NR3C2: variants seen among roughly 807,000 people sequenced by gnomAD.
NR3C2 encodes the protein mineralocorticoid receptor.
NR3C2 carries 15 observed loss-of-function variants against 86.4 expected under a neutral mutation model. The ratio of observed to expected loss-of-function variants is 0.17; its 90% CI spans 0.12 to 0.27. The LOEUF (loss-of-function observed/expected upper bound fraction) is 0.27. NR3C2 is among the 10% of genes least tolerant of loss of function. The pLI is 1.00. For missense variants in NR3C2, 960 were observed against 1,195.6 expected (o/e 0.80, Z 2.91); for synonymous variants, 458 against 450.5 (o/e 1.02, Z -0.21).
intron 2 of NR3C2, among the ~76,000 whole-genome samples, chr4:148,385,311 C>T (rs933962529): frequency 5.9e-5 from 9 of 152,176 alleles, no homozygotes; most frequent in Admixed American, 5.9e-4. Flanking sequence ...AATTATCTGC[C>T]AGACAAGACC....
intron 8 of NR3C2, among the ~76,000 whole-genome samples, chr4:148,105,933 C>T (rs1442332074): frequency 6.6e-6 from 1 of 152,138 alleles, no homozygotes; most frequent in Non-Finnish European, 1.5e-5. Context: ...ACTGAATGGG[C>T]AAAAGCTGGA....
At chr4:148,411,052 C>A (rs1348734300) in intron 2 of NR3C2, among the ~76,000 whole-genome samples, 2 of 152,148 alleles carry the variant, frequency 1.3e-5, no homozygotes, top group African/African-American at 4.8e-5. Context: ...TTGCTATATT[C>A]CAACTACACA....
chr4:148,224,210 A>C (rs2149831057), intron 3 of NR3C2, among the ~76,000 whole-genome samples: 1 of 152,292 alleles, frequency 6.6e-6, no homozygotes, highest in African/African-American at 2.4e-5. Flanking sequence ...AGGAAGAAGC[A>C]GGTTATCTTG....
At chr4:148,194,661 G>T in intron 4 of NR3C2, 85 bp downstream of exon 4, 1 of 905,742 alleles carries the variant, frequency 1.1e-6, no homozygotes, top group Non-Finnish European at 1.8e-6. Context: ...TGTTGGCTTC[G>T]TTTTCAATTT....
In NR3C2 at chr4:148,264,456, T is replaced by A. The variant is rs72655250; in HGVS notation, c.1758-4339A>T. On this transcript the variant is annotated intron_variant, in intron 2 of 8. Transcript: ENST00000358102. ...ATGTTTAGTGATTTGTATGTCAAAA[T>A]TCAACTTCAGAGAATAATAAATTTA... 2.9e-3 allele frequency among the ~76,000 whole-genome samples: 440 copies of A among 152,270 alleles called. 1 individual carries two copies. Among genetic ancestry groups the A allele is most frequent in the African/African-American group, 0.01 (431 of 41,534 alleles).
At chr4:148,143,782 C>G (rs1347484327) in intron 6 of NR3C2, among the ~76,000 whole-genome samples, 4 of 150,968 alleles carry the variant, frequency 2.6e-5, no homozygotes, top group Non-Finnish European at 4.4e-5. Context: ...CCCATCTCTA[C>G]TAAAAAAATA....
At chr4:148,341,999 T>G (rs958953131) in intron 2 of NR3C2, among the ~76,000 whole-genome samples, 29 of 152,116 alleles carry the variant, frequency 1.9e-4, no homozygotes, top group African/African-American at 6.8e-4. Flanking sequence ...CTTCACACAC[T>G]GGATTTACAT....
intron 2 of NR3C2, among the ~76,000 whole-genome samples, chr4:148,426,869 T>C (rs1010174547): frequency 6.6e-6 from 1 of 152,182 alleles, no homozygotes; most frequent in Non-Finnish European, 1.5e-5. Flanking sequence ...TTTCCAATCA[T>C]AGGTAGGTCT....
intron 2 of NR3C2, among the ~76,000 whole-genome samples, chr4:148,382,021 T>C (rs748186447): frequency 3.3e-5 from 5 of 152,236 alleles, no homozygotes; most frequent in South Asian, 2.1e-4. Flanking sequence ...CTCCACCCAA[T>C]AGACACAGCA....
intron 2 of NR3C2, among the ~76,000 whole-genome samples, chr4:148,294,813 CA>C (rs1028666198): frequency 6.7e-6 from 1 of 149,040 alleles, no homozygotes; most frequent in Non-Finnish European, 1.5e-5. Context: ...CCTGTCTCTA[CA>C]AAAAAAAATA....
chr4:148,198,939 G>A (rs1052168153), intron 3 of NR3C2, among the ~76,000 whole-genome samples: 1 of 151,830 alleles, frequency 6.6e-6, no homozygotes, highest in African/African-American at 2.4e-5. Context: ...AATTAGCCGG[G>A]CATGGTGGCG....
intron 2 of NR3C2, among the ~76,000 whole-genome samples, chr4:148,348,395 T>C (rs1476822704): frequency 6.6e-6 from 1 of 152,174 alleles, no homozygotes; most frequent in Non-Finnish European, 1.5e-5. Context: ...ATCTGTTTTT[T>C]ATATCTCCAG....
intron 2 of NR3C2, among the ~76,000 whole-genome samples, chr4:148,416,878 T>C (rs899343444): frequency 2.6e-5 from 4 of 152,112 alleles, no homozygotes; most frequent in African/African-American, 7.2e-5. Context: ...TGGGTTCAAG[T>C]GATTCTCCTG....
intron 4 of NR3C2, among the ~76,000 whole-genome samples, chr4:148,193,035 G>C (rs760579914): frequency 2.0e-5 from 3 of 152,204 alleles, no homozygotes; most frequent in Non-Finnish European, 2.9e-5. Flanking sequence ...AGTTCAGCTA[G>C]AGAATTCCTT....
intron 2 of NR3C2, among the ~76,000 whole-genome samples, chr4:148,358,471 T>C (rs1169271228): frequency 3.0e-5 from 1 of 33,704 alleles, no homozygotes; most frequent in African/African-American, 1.3e-4. Flanking sequence ...GGGGCTGTGG[T>C]GGGGTGGGGG....
intron 6 of NR3C2, among the ~76,000 whole-genome samples, chr4:148,139,571 C>T (rs555794953): frequency 3.9e-5 from 6 of 152,236 alleles, no homozygotes; most frequent in East Asian, 1.9e-4. Flanking sequence ...GTTGAAGTGA[C>T]GTCTATTTCA....
intron 8 of NR3C2, among the ~76,000 whole-genome samples, chr4:148,094,631 C>G (rs1481631481): frequency 1.3e-5 from 2 of 151,844 alleles, no homozygotes; most frequent in African/African-American, 4.8e-5. Context: ...AGGAGAATCG[C>G]TTGAACCCGG....
At chr4:148,089,445 T>A (rs1730964597) in intron 8 of NR3C2, among the ~76,000 whole-genome samples, 1 of 152,220 alleles carries the variant, frequency 6.6e-6, no homozygotes, top group Non-Finnish European at 1.5e-5. Flanking sequence ...GGTAAAGTGC[T>A]TCAAATTCCA....
At chr4:148,233,060 T>C (rs1038093881) in intron 3 of NR3C2, among the ~76,000 whole-genome samples, 2 of 152,240 alleles carry the variant, frequency 1.3e-5, no homozygotes, top group African/African-American at 4.8e-5. Flanking sequence ...ATATCAGCAT[T>C]AAGACTGATA....
Sources: gnomAD v4.1 joint callset for allele counts (sites outside exome capture counted in the v4.1 genomes callset) on GRCh38, gnomAD v4.1.1 for gene constraint, MANE v1.5 for transcripts, NCBI Gene and HGNC (gene_info 2026-07-23, HGNC 2026-07-21) for gene names.